The following CIBAR1 variants were observed in gnomAD, a reference collection of about 807,000 sequenced individuals.
CIBAR1 encodes CBY1-interacting BAR domain-containing protein 1.
In CIBAR1, 25 loss-of-function variants were observed where a neutral mutation model predicts 44.0. That is an observed-to-expected ratio of 0.57 (90% confidence interval 0.41 to 0.79). The LOEUF is 0.79. Ranked by LOEUF, CIBAR1 falls within the 30% of genes least tolerant of loss-of-function variation. The pLI, the probability that CIBAR1 is intolerant of heterozygous loss-of-function variation, is 0.00. For missense variants in CIBAR1, 278 were observed against 344.8 expected (o/e 0.81, Z 1.53); for synonymous variants, 115 against 119.0 (o/e 0.97, Z 0.22).
chr8:93,715,023 A>G (rs1320377592), intron 6 of CIBAR1, among the ~76,000 whole-genome samples: 1 of 152,240 alleles, frequency 6.6e-6, no homozygotes, highest in African/African-American at 2.4e-5. Flanking sequence ...AGTAGTGAGC[A>G]CTGCTCATAA....
Position 93,729,324 on chromosome 8 carries a change from T to G in CIBAR1, c.*1027T>G, listed in dbSNP as rs1266508959. 6.6e-6 allele frequency: 1 copy of G among 152,152 alleles called. No homozygotes were observed. Among genetic ancestry groups the G allele is most frequent in the Admixed American group, 6.5e-5 (1 of 15,276 alleles). The allele number at this position is 152,152 out of a possible 1,614,324, so 9.4% of individuals were successfully genotyped here. On this transcript the variant is annotated 3_prime_UTR_variant, in exon 9 of 9. Transcript: ENST00000518322. ...GAATAGTCCTAAGTGACAAAGTTGT[T>G]TCAGTACTTTTTTGTAAAATATTTA...
intron 8 of CIBAR1, among the ~76,000 whole-genome samples, chr8:93,727,418 A>G (rs1811569630): frequency 6.6e-6 from 1 of 152,226 alleles, no homozygotes; most frequent in Non-Finnish European, 1.5e-5. Context: ...AGTTTTGACT[A>G]CAACTAATAA....
Position 93,713,595 on chromosome 8 carries a change from C to T in CIBAR1, c.543+3720C>T, listed in dbSNP as rs185276894. On this transcript the variant is annotated intron_variant, in intron 6 of 8. Coordinates refer to ENST00000518322, the MANE Select transcript of CIBAR1 (RefSeq NM_145269.5). The stretch of plus-strand genomic sequence containing the variant: ...GGTCATGAATATTTATTCCTATGTT[C>T]TCTTAACAATTTTATAGTTTCAGCC... 2.2e-3 allele frequency among the ~76,000 whole-genome samples: 338 copies of T among 152,288 alleles called. 2 individuals are homozygous for T. The highest frequency in any genetic ancestry group is 6.9e-3 in the African/African-American group (288 of 41,574).
At chr8:93,718,935 C>T (rs1375951165) in intron 7 of CIBAR1, 147 bp downstream of exon 7, 2 of 422,246 alleles carry the variant, frequency 4.7e-6, no homozygotes, top group Non-Finnish European at 8.3e-6. Context: ...GTGATCTCAG[C>T]TCACTGCAAC....
chr8:93,704,768 A>T (rs575521517), intron 3 of CIBAR1, 141 bp from the exon 4 acceptor site: 1 of 559,764 alleles, frequency 1.8e-6, no homozygotes, highest in Admixed American at 3.4e-5. Flanking sequence ...TAATACTTGT[A>T]ATTCCTGTGG....
chr8:93,703,266 A>G (rs1218012277), intron 2 of CIBAR1, among the ~76,000 whole-genome samples: 1 of 152,250 alleles, frequency 6.6e-6, no homozygotes, highest in Non-Finnish European at 1.5e-5. Flanking sequence ...AAGTTGAGCT[A>G]TTACAGTTCA....
At chr8:93,707,851 TTGAA>T (rs764815964) in intron 4 of CIBAR1, among the ~76,000 whole-genome samples, 156 bp from the exon 5 acceptor site, 12 of 152,114 alleles carry the variant, frequency 7.9e-5, no homozygotes, top group African/African-American at 2.9e-4. Context: ...AAATGTGTAG[TTGAA>T]TGAACTGAAT....
chr8:93,708,041 G>T, intron 5 of CIBAR1, 25 bp downstream of exon 5: 1 of 1,546,546 alleles, frequency 6.5e-7, no homozygotes, highest in Non-Finnish European at 8.7e-7. Flanking sequence ...GGTGTGTCAA[G>T]AAATGGATCC....
rs914692978 is a variant in CIBAR1 at position 93,730,906 on chromosome 8, C to A, written c.*2609C>A. The A allele has an allele frequency of 1.3e-5, 2 of 152,174 alleles. No homozygotes were observed. Among genetic ancestry groups the A allele is most frequent in the African/African-American group, 4.8e-5 (2 of 41,428 alleles). The allele number at this position is 152,174 out of a possible 1,614,324, so 9.4% of individuals were successfully genotyped here. A position where few individuals can be genotyped will look rare whatever the true frequency, so the allele number is the denominator to read the frequency against. ...GGGCACAGTGGCTCACACCTGTAAT[C>A]CCAACACATTCTGGGAGACCAAGGA... On this transcript the variant is annotated 3_prime_UTR_variant, in exon 9 of 9. Transcript: ENST00000518322.
intron 2 of CIBAR1, chr8:93,702,514 G>A (rs1262440510): frequency 4.4e-6 from 2 of 455,486 alleles, no homozygotes; most frequent in East Asian, 6.9e-5. Flanking sequence ...TTACCAAATG[G>A]TGGAGGTCCT....
Position 93,709,814 on chromosome 8 carries a change from CA to C in CIBAR1, c.484del (p.Ser162ValfsTer16). 1 of 1,613,242 alleles carries C rather than the reference CA, an allele frequency of 6.2e-7. No homozygotes were observed. Among genetic ancestry groups the C allele is most frequent in the Non-Finnish European group, 8.5e-7 (1 of 1,179,710 alleles). ...AGAGCTGCAATGGATGCTAGCCGAA[CA>C]AGTCGTCATCTGGAGGAAACTATTA... is the stretch of plus-strand genomic sequence containing the variant. ...LQRAAMDASR[T>X]SRHLEETINN... is the part of the protein sequence containing the mutation. On this transcript the variant is annotated frameshift_variant, in exon 6 of 9. Transcript: ENST00000518322. LOFTEE classifies it high-confidence loss of function.
chr8:93,714,273 GTA>G (rs1470979345), intron 6 of CIBAR1, among the ~76,000 whole-genome samples: 19 of 152,116 alleles, frequency 1.2e-4, no homozygotes, highest in Admixed American at 1.1e-3. Context: ...TGTCACAAAT[GTA>G]TAGAAATACA....
rs536955635 is a variant in CIBAR1 at position 93,726,278 on chromosome 8, T to C, written c.658-116T>C. On this transcript the variant is annotated intron_variant, in intron 7 of 8. Transcript: ENST00000518322. ...TTTTACATTTACAATAATTGGAATTTTGTCCATTTGGGGGGAGTTGTTTTT... is the reference window on the plus strand; with the variant it reads ...TTTTACATTTACAATAATTGGAATTCTGTCCATTTGGGGGGAGTTGTTTTT... 17 of 829,170 alleles carry C rather than the reference T, an allele frequency of 2.1e-5. No homozygotes were observed. The South Asian group carries it at 3.0e-4, about 15-fold the overall frequency. 51.4% of individuals were successfully genotyped at this position (829,170 alleles called of 1,614,324 possible). A position where few individuals can be genotyped will look rare whatever the true frequency, so the allele number is the denominator to read the frequency against.
intron 4 of CIBAR1, among the ~76,000 whole-genome samples, chr8:93,706,666 T>C (rs118074093): frequency 6.6e-6 from 1 of 152,268 alleles, no homozygotes; most frequent in East Asian, 1.9e-4. Context: ...GAGATAATCT[T>C]AGAGCACAGA....
At chr8:93,703,252 T>A (rs1219142704) in intron 2 of CIBAR1, among the ~76,000 whole-genome samples, 1 of 152,234 alleles carries the variant, frequency 6.6e-6, no homozygotes, top group Non-Finnish European at 1.5e-5. Flanking sequence ...TTTTCTTTTC[T>A]GAAAAGTTGA....
intron 1 of CIBAR1, chr8:93,700,965 T>A (rs918020505): frequency 1.2e-4 from 168 of 1,380,636 alleles, no homozygotes; most frequent in Non-Finnish European, 1.5e-4. Context: ...CAGGCCGCGC[T>A]GCGCGGAGCA....
chr8:93,708,216 A>G (rs1810680399), intron 5 of CIBAR1, among the ~76,000 whole-genome samples, 200 bp downstream of exon 5: 2 of 152,190 alleles, frequency 1.3e-5, no homozygotes, highest in Admixed American at 1.3e-4. Flanking sequence ...AGTAAATATA[A>G]TATTAGCACA....
chr8:93,724,374 G>T, intron 7 of CIBAR1: 1 of 331,984 alleles, frequency 3.0e-6, no homozygotes, highest in Non-Finnish European at 6.0e-6. Context: ...TGCCCATGCT[G>T]GCGTGCAGTG....
At chr8:93,718,552 C>T (rs1306182287) in intron 6 of CIBAR1, 123 bp from the exon 7 acceptor site, 4 of 499,978 alleles carry the variant, frequency 8.0e-6, no homozygotes, top group Non-Finnish European at 1.4e-5. Flanking sequence ...CTTTATTTAC[C>T]CTATAGAAAA....
Sources: gnomAD v4.1 joint callset for allele counts (sites outside exome capture counted in the v4.1 genomes callset) on GRCh38, gnomAD v4.1.1 for gene constraint, MANE v1.5 for transcripts, NCBI Gene and HGNC (gene_info 2026-07-23, HGNC 2026-07-21) for gene names.